Variants in RNLS observed in about 807,000 individuals in gnomAD.
RNLS encodes the protein renalase, FAD dependent amine oxidase.
Under a neutral mutation model 39.8 loss-of-function variants are expected in RNLS, and 39 were observed. That is an observed-to-expected ratio of 0.98 (90% confidence interval 0.76 to 1.28). The LOEUF is 1.28. Ranked by LOEUF, RNLS falls within the 50% of genes most tolerant of loss-of-function variation. The pLI is 0.00. For synonymous variants in RNLS, 147 were observed against 150.7 expected (o/e 0.98, Z 0.18); for missense variants, 410 against 413.3 (o/e 0.99, Z 0.07).
intron 4 of RNLS, among the ~76,000 whole-genome samples, chr10:88,504,189 A>G (rs1371221375): frequency 6.6e-6 from 1 of 152,140 alleles, no homozygotes; most frequent in Non-Finnish European, 1.5e-5. Flanking sequence ...TAGATTACTT[A>G]TAACAGCAAA....
chr10:88,510,546 G>A (rs964417625), intron 4 of RNLS, among the ~76,000 whole-genome samples: 1 of 151,862 alleles, frequency 6.6e-6, no homozygotes, highest in African/African-American at 2.4e-5. Flanking sequence ...TATCACCAGA[G>A]GTAAAAATAA....
At chr10:88,464,162 A>G (rs1303045612) in intron 4 of RNLS, among the ~76,000 whole-genome samples, 1 of 152,056 alleles carries the variant, frequency 6.6e-6, no homozygotes, top group Non-Finnish European at 1.5e-5. Context: ...ATGATCCACT[A>G]TTTGCAAAAA....
At chr10:88,367,785 CA>C (rs1452880621) in intron 4 of RNLS, among the ~76,000 whole-genome samples, 4 of 152,110 alleles carry the variant, frequency 2.6e-5, no homozygotes, top group African/African-American at 9.7e-5. Flanking sequence ...AAAATCCTTG[CA>C]TGTTTGTCAT....
chr10:88,312,526 A>T (rs902206946), intron 6 of RNLS, among the ~76,000 whole-genome samples: 1 of 152,190 alleles, frequency 6.6e-6, no homozygotes, highest in Admixed American at 6.5e-5. Context: ...AGGAAATATA[A>T]GGTGGGTGAA....
At chr10:88,523,801 C>T (rs1163675776) in intron 4 of RNLS, among the ~76,000 whole-genome samples, 1 of 152,040 alleles carries the variant, frequency 6.6e-6, no homozygotes, top group East Asian at 1.9e-4. Flanking sequence ...GCATAGGAGC[C>T]GCATCACTAC....
chr10:88,382,081 TG>T (rs1037011773), intron 4 of RNLS, among the ~76,000 whole-genome samples: 4 of 152,178 alleles, frequency 2.6e-5, no homozygotes, highest in African/African-American at 9.6e-5. Context: ...TTGCTTTTAT[TG>T]CTTTGCAGTG....
chr10:88,545,421 G>A (rs143211519), intron 4 of RNLS: 6 of 455,872 alleles, frequency 1.3e-5, no homozygotes, highest in East Asian at 7.0e-5. Flanking sequence ...TCACAATCAC[G>A]GTGGAAGACA....
intron 4 of RNLS, among the ~76,000 whole-genome samples, chr10:88,469,857 G>GTGTT (rs1462737773): frequency 6.8e-6 from 1 of 147,018 alleles, no homozygotes; most frequent in Non-Finnish European, 1.5e-5. Context: ...GTGTGTGTGT[G>GTGTT]TGTGCTTTGC....
At chr10:88,268,355 C>G in the RNLS span, among the ~76,000 whole-genome samples, 1 of 152,172 alleles carries the variant, frequency 6.6e-6, no homozygotes, top group African/African-American at 2.4e-5. Context: ...CCATATATTT[C>G]CCGATGCCCT....
the RNLS span, among the ~76,000 whole-genome samples, chr10:88,201,405 G>A: frequency 1.0e-3 from 152 of 152,252 alleles, no homozygotes; most frequent in Non-Finnish European, 1.9e-3. Flanking sequence ...AAAAGGACTG[G>A]CAGCTTCCAC....
At chr10:88,558,939 T>C (rs1442968620) in intron 4 of RNLS, among the ~76,000 whole-genome samples, 1 of 152,156 alleles carries the variant, frequency 6.6e-6, no homozygotes, top group Non-Finnish European at 1.5e-5. Flanking sequence ...AACTGAATAT[T>C]TCCCCCTCCT....
rs540858864 is a variant in RNLS at position 88,508,647 on chromosome 10, A to C, written c.526+64256T>G. On this transcript the variant is annotated intron_variant, in intron 4 of 6. Transcript: ENST00000331772. ...CATTACTGGTGCCAATGTTTCTTTA[A>C]ATTTTGGCATTGTTTAGTGAAGAGT... Among the ~76,000 whole-genome samples, 11 of 152,162 alleles carry C rather than the reference A, an allele frequency of 7.2e-5. No individual in the cohort carries two copies. In the East Asian group the frequency reaches 1.9e-3, roughly 27 times the overall value.
chr10:88,562,900 A>G (rs1009788492), intron 4 of RNLS, among the ~76,000 whole-genome samples: 1 of 152,184 alleles, frequency 6.6e-6, no homozygotes, highest in Non-Finnish European at 1.5e-5. Context: ...TCAGGTAGGT[A>G]TATTGTTCTC....
At chr10:88,318,865 C>G (rs1845963200) in intron 5 of RNLS, among the ~76,000 whole-genome samples, 1 of 152,198 alleles carries the variant, frequency 6.6e-6, no homozygotes, top group Non-Finnish European at 1.5e-5. Flanking sequence ...GCTCCTTCCC[C>G]AAAGACCTCA....
intron 4 of RNLS, among the ~76,000 whole-genome samples, chr10:88,465,924 G>A (rs1051748470): frequency 6.6e-6 from 1 of 152,010 alleles, no homozygotes; most frequent in South Asian, 2.1e-4. Context: ...AGGGCTTCAG[G>A]TCAACCACTA....
chr10:88,262,141 A>G, the RNLS span, among the ~76,000 whole-genome samples: 1 of 152,172 alleles, frequency 6.6e-6, no homozygotes, highest in African/African-American at 2.4e-5. Flanking sequence ...AGGTAGGCAG[A>G]GTCTAGACTA....
chr10:88,387,254 G>GAGAC (rs1765384699), intron 4 of RNLS, among the ~76,000 whole-genome samples: 1 of 152,176 alleles, frequency 6.6e-6, no homozygotes, highest in African/African-American at 2.4e-5. Flanking sequence ...GGAGCAGAGA[G>GAGAC]AGACAGAGAA....
the RNLS span, among the ~76,000 whole-genome samples, chr10:88,256,790 G>T: frequency 6.6e-6 from 1 of 152,114 alleles, no homozygotes; most frequent in Non-Finnish European, 1.5e-5. Flanking sequence ...CTGGAATTTT[G>T]CTCTTCATGA....
intron 5 of RNLS, among the ~76,000 whole-genome samples, chr10:88,332,172 T>C (rs571323435): frequency 6.6e-6 from 1 of 152,386 alleles, no homozygotes; most frequent in Admixed American, 6.5e-5. Flanking sequence ...AGTTCTTATA[T>C]ATAGGTTACA....
Sources: allele counts gnomAD v4.1 joint callset (sites outside exome capture counted in the v4.1 genomes callset), GRCh38; gene constraint gnomAD v4.1.1; transcripts MANE v1.5; gene names NCBI Gene and HGNC (gene_info 2026-07-23, HGNC 2026-07-21).